The following RBFOX1 variants were observed in gnomAD, a reference collection of about 807,000 sequenced individuals.
The protein encoded by RBFOX1 is RNA binding protein fox-1 homolog 1.
Under a neutral mutation model 57.7 loss-of-function variants are expected in RBFOX1, and 8 were observed. That is an observed-to-expected ratio of 0.14 (90% CI 0.08 to 0.25). The LOEUF (loss-of-function observed/expected upper bound fraction) is 0.25. Ranked by LOEUF, RBFOX1 falls within the 10% of genes least tolerant of loss-of-function variation. The pLI is 1.00. For missense variants in RBFOX1, 611 were observed against 548.5 expected (o/e 1.11, Z -1.14); for synonymous variants, 326 against 222.4 (o/e 1.47, Z -4.15).
intron 1 of RBFOX1, among the ~76,000 whole-genome samples, chr16:5,452,116 CTTTTT>C (rs148215801): frequency 1.2e-3 from 129 of 108,132 alleles, no homozygotes; most frequent in African/African-American, 4.5e-3. Context: ...CTCTCTCTCT[CTTTTT>C]TTTTTTTTTT....
intron 1 of RBFOX1, among the ~76,000 whole-genome samples, chr16:6,192,219 G>A (rs1038652435): frequency 6.6e-6 from 1 of 152,070 alleles, no homozygotes; most frequent in Non-Finnish European, 1.5e-5. Flanking sequence ...CACCCCTCGG[G>A]ACCAGTCCTT....
At chr16:6,150,954 G>C (rs1049564153) in intron 1 of RBFOX1, among the ~76,000 whole-genome samples, 2 of 152,050 alleles carry the variant, frequency 1.3e-5, no homozygotes, top group Non-Finnish European at 2.9e-5. Context: ...CTAGCCTCTT[G>C]GTATTTTTTC....
chr16:6,469,061 C>G (rs919598225), intron 2 of RBFOX1, among the ~76,000 whole-genome samples: 8 of 152,058 alleles, frequency 5.3e-5, no homozygotes, highest in Non-Finnish European at 1.0e-4. Flanking sequence ...CTGGGAAGGT[C>G]TTTTCTTAGT....
intron 4 of RBFOX1, among the ~76,000 whole-genome samples, chr16:7,362,126 TTGTG>T (rs759791691): frequency 3.3e-5 from 5 of 151,616 alleles, no homozygotes; most frequent in African/African-American, 1.2e-4. Context: ...TGTGGATGTT[TTGTG>T]TGTGTGTTAG....
intron 4 of RBFOX1, among the ~76,000 whole-genome samples, chr16:7,360,827 C>T (rs952153061): frequency 2.0e-5 from 3 of 152,218 alleles, no homozygotes; most frequent in Non-Finnish European, 4.4e-5. Flanking sequence ...TAGGCTTGTA[C>T]ATTCCAGCCC....
intron 1 of RBFOX1, among the ~76,000 whole-genome samples, chr16:5,255,314 A>ATC (rs2062557161): frequency 6.9e-6 from 1 of 144,274 alleles, no homozygotes; most frequent in Non-Finnish European, 1.5e-5. Flanking sequence ...CTATCCGTCC[A>ATC]CACTTCCTTC....
chr16:5,406,941 G>T lies in RBFOX1; in HGVS notation c.220-60275G>T, dbSNP rs491020. Among the ~76,000 whole-genome samples, 785 of 152,236 alleles carry T rather than the reference G, an allele frequency of 5.2e-3. 12 individuals are homozygous for T. Among genetic ancestry groups the T allele is most frequent in the African/African-American group, 0.018 (762 of 41,534 alleles). On this transcript the variant is annotated intron_variant, in intron 1 of 2. Coordinates refer to the RBFOX1 transcript ENST00000585867. The stretch of plus-strand genomic sequence containing the variant: ...TTCATCTTGGAGGGAAGTCAGGAGG[G>T]CTTCCCTGAGGAAGTGACATTTGAG...
At chr16:5,682,699 T>C (rs1381401516) in intron 3 of RBFOX1, among the ~76,000 whole-genome samples, 3 of 152,190 alleles carry the variant, frequency 2.0e-5, no homozygotes, top group Non-Finnish European at 4.4e-5. Context: ...TTATCCAAGG[T>C]TGTCCGAGTC....
chr16:6,529,772 A>C (rs557965916), intron 2 of RBFOX1, among the ~76,000 whole-genome samples: 1 of 152,244 alleles, frequency 6.6e-6, no homozygotes, highest in African/African-American at 2.4e-5. Context: ...GCCAAGTTGT[A>C]GTAACACTTG....
intron 2 of RBFOX1, among the ~76,000 whole-genome samples, chr16:6,513,092 C>T (rs182116383): frequency 2.0e-5 from 3 of 152,326 alleles, no homozygotes; most frequent in African/African-American, 2.4e-5. Flanking sequence ...TCAGCCAGTT[C>T]TAGTCTGGCT....
rs144598083 is a variant in RBFOX1 at position 7,647,094 on chromosome 16, C to A, written c.758-6721C>A. Among the ~76,000 whole-genome samples, 430 of 152,284 alleles carry A rather than the reference C, an allele frequency of 2.8e-3. 5 individuals are homozygous for A. The highest frequency in any genetic ancestry group is 1.0e-2 in the African/African-American group (415 of 41,570). ...CACCACCACAGCGTGCCTCTTGTTACATCCCTAAAGCTTCCATTTCATCGA... is the reference window on the plus strand; with the variant it reads ...CACCACCACAGCGTGCCTCTTGTTAAATCCCTAAAGCTTCCATTTCATCGA... On this transcript the variant is annotated intron_variant, in intron 11 of 15. Coordinates refer to ENST00000550418, the MANE Select transcript of RBFOX1 (RefSeq NM_018723.4).
chr16:7,490,411 T>A (rs1341327115), intron 4 of RBFOX1, among the ~76,000 whole-genome samples: 1 of 151,976 alleles, frequency 6.6e-6, no homozygotes, highest in Non-Finnish European at 1.5e-5. Context: ...CTCACTAGAG[T>A]GGATTGGTCT....
chr16:5,602,551 C>A (rs77938216), downstream of RBFOX1, among the ~76,000 whole-genome samples: 5,806 of 152,214 alleles, frequency 0.038, 260 homozygotes, highest in African/African-American at 0.11. Flanking sequence ...GAAATACAGC[C>A]TGTATTATAT....
intron 1 of RBFOX1, among the ~76,000 whole-genome samples, chr16:5,282,528 C>G (rs2063297669): frequency 6.6e-6 from 1 of 152,146 alleles, no homozygotes; most frequent in Non-Finnish European, 1.5e-5. Flanking sequence ...ACAATAAAGT[C>G]TAGGCTGAGG....
At chr16:5,616,351 A>C (rs1442588739) in intron 3 of RBFOX1, among the ~76,000 whole-genome samples, 2 of 152,118 alleles carry the variant, frequency 1.3e-5, no homozygotes, top group African/African-American at 4.8e-5. Flanking sequence ...GAGGGAGCTC[A>C]TCTCTGGGCC....
intron 4 of RBFOX1, among the ~76,000 whole-genome samples, chr16:7,052,575 T>A (rs1220665554): frequency 6.6e-6 from 1 of 152,166 alleles, no homozygotes; most frequent in Non-Finnish European, 1.5e-5. Flanking sequence ...TTAGTGACAT[T>A]TGTGTATATG....
chr16:6,977,188 TCA>T (rs2087233819), intron 3 of RBFOX1, among the ~76,000 whole-genome samples: 1 of 147,070 alleles, frequency 6.8e-6, no homozygotes, highest in African/African-American at 2.5e-5. Flanking sequence ...ATCATATATA[TCA>T]CATATATATG....
chr16:6,154,298 G>C (rs767898911), intron 1 of RBFOX1, among the ~76,000 whole-genome samples: 43 of 152,216 alleles, frequency 2.8e-4, no homozygotes, highest in Non-Finnish European at 3.4e-4. Flanking sequence ...AAAGATTGCA[G>C]TCACTTTTGC....
At chr16:6,623,215 C>T (rs375702105) in intron 2 of RBFOX1, among the ~76,000 whole-genome samples, 1 of 152,046 alleles carries the variant, frequency 6.6e-6, no homozygotes, top group Non-Finnish European at 1.5e-5. Context: ...TTAGGTTAGT[C>T]AATTTGAGAT....
Sources: allele counts gnomAD v4.1 joint callset (sites outside exome capture counted in the v4.1 genomes callset), GRCh38; gene constraint gnomAD v4.1.1; transcripts MANE v1.5; gene names NCBI Gene and HGNC (gene_info 2026-07-23, HGNC 2026-07-21).